Variants in TSGA10IP observed in about 807,000 individuals in gnomAD.
TSGA10IP encodes testis-specific protein 10-interacting protein.
TSGA10IP carries 64 observed loss-of-function variants against 63.2 expected under a neutral mutation model. The observed-to-expected ratio is 1.01, with a 90% CI of 0.83 to 1.25. TSGA10IP has a LOEUF of 1.25. Among genes scored for constraint, TSGA10IP ranks in the 50% most tolerant of loss-of-function variants. TSGA10IP has a pLI of 0.00. For synonymous variants in TSGA10IP, 316 were observed against 298.3 expected, an observed-to-expected ratio of 1.06 and a Z score of -0.61; for missense variants, 681 against 710.1, an observed-to-expected ratio of 0.96 and a Z score of 0.47.
Position 65,947,649 on chromosome 11 carries a change from G to A in TSGA10IP, c.824G>A (p.Gly275Glu), listed in dbSNP as rs769762724. Residue 275 changes from glycine (G) to glutamate (E), a missense_variant, in exon 3 of 8, where the codon GGG (glycine) becomes GAG (glutamate). Physicochemically the swap from Gly to Glu is moderately conservative, Grantham distance 98. Transcript: ENST00000532620. ...AGGAGGGCTGGTTGTCAGAGAAAGG[G>A]GCAGATTTCTGGAGAGGAAGCCTCC... The A allele has an allele frequency of 5.6e-6, 9 of 1,612,476 alleles. No individual in the cohort carries two copies. The South Asian group carries it at 9.9e-5, about 18-fold the overall frequency.
chr11:65,953,459 C>G, intron 4 of TSGA10IP, 108 bp from the exon 5 acceptor site: 2 of 1,421,974 alleles, frequency 1.4e-6, no homozygotes, highest in Non-Finnish European at 9.2e-7. Context: ...GCTCTGGACA[C>G]TGCAGCCCCT....
At chr11:65,947,130 G>T (rs745503126) in exon 3 of TSGA10IP, 3 of 1,610,988 alleles carry the variant, frequency 1.9e-6, no homozygotes, top group Non-Finnish European at 8.5e-7. Context: ...CTTCTTCCTC[G>T]GAAACCCTCC....
In TSGA10IP at chr11:65,953,747, C is replaced by T; in HGVS notation, c.1322+10C>T. 1.3e-6 allele frequency: 2 copies of T among 1,504,030 alleles called. No homozygotes were observed. Among genetic ancestry groups the T allele is most frequent in the East Asian group, 2.5e-5 (1 of 40,426 alleles). The allele number at this position is 1,504,030 out of a possible 1,614,324, so 93.2% of individuals were successfully genotyped here. ...AGCTGGAGGAGCTGAGGTAGGGAGCCTGGGCTTCGGGAGGCCTGGTTGGGA... is the reference window on the plus strand; with the variant it reads ...AGCTGGAGGAGCTGAGGTAGGGAGCTTGGGCTTCGGGAGGCCTGGTTGGGA... On this transcript the variant is annotated intron_variant, in intron 5 of 7. Coordinates refer to ENST00000532620, the Ensembl canonical transcript of TSGA10IP.
chr11:65,951,954 A>G (rs1386478536), intron 4 of TSGA10IP, among the ~76,000 whole-genome samples: 1 of 150,930 alleles, frequency 6.6e-6, no homozygotes, highest in East Asian at 1.9e-4. Context: ...GGTTCAAGTG[A>G]TTCTCTTGCC....
chr11:65,946,799 A>T, intron 1 of TSGA10IP, 81 bp from the exon 2 acceptor site: 1 of 1,501,820 alleles, frequency 6.7e-7, no homozygotes, highest in Non-Finnish European at 9.0e-7. Context: ...CCAGGTGCAC[A>T]GAGGGAGCAC....
At chr11:65,957,450 A>G (rs986659175) in intron 5 of TSGA10IP, among the ~76,000 whole-genome samples, 3 of 152,208 alleles carry the variant, frequency 2.0e-5, no homozygotes, top group African/African-American at 7.2e-5. Context: ...ATCCAGCAGG[A>G]AAAGTGCACA....
chr11:65,951,982 T>C (rs561505074), intron 4 of TSGA10IP, among the ~76,000 whole-genome samples: 58 of 152,162 alleles, frequency 3.8e-4, no homozygotes, highest in African/African-American at 1.3e-3. Flanking sequence ...CCTGAGTAGC[T>C]GGGATTACAG....
At chr11:65,947,397 G>C in exon 3 of TSGA10IP, 1 of 1,613,210 alleles carries the variant, frequency 6.2e-7, no homozygotes, top group Non-Finnish European at 8.5e-7. Context: ...GGGGAGCTAG[G>C]ATCAGAGCCC....
chr11:65,953,030 CTTTTT>C (rs543769953), intron 4 of TSGA10IP, among the ~76,000 whole-genome samples: 1 of 133,642 alleles, frequency 7.5e-6, no homozygotes, highest in African/African-American at 2.8e-5. Context: ...TTCTTTCTTT[CTTTTT>C]TTTTTTTTTT....
intron 5 of TSGA10IP, among the ~76,000 whole-genome samples, chr11:65,955,361 T>G (rs1302683442): frequency 1.3e-5 from 2 of 152,006 alleles, no homozygotes; most frequent in Non-Finnish European, 2.9e-5. Context: ...ATCCCAACAC[T>G]TTGGGAAGCC....
At chr11:65,950,388 C>CTTTATTTA (rs60941654) in intron 4 of TSGA10IP, among the ~76,000 whole-genome samples, 6 of 151,798 alleles carry the variant, frequency 4.0e-5, no homozygotes, top group Non-Finnish European at 8.8e-5. Context: ...ATGAGTTTGA[C>CTTTATTTA]TTTATTTATT....
chr11:65,955,514 G>A (rs1352956276), intron 5 of TSGA10IP, among the ~76,000 whole-genome samples: 1 of 152,020 alleles, frequency 6.6e-6, no homozygotes. Context: ...TTGGGAGGCT[G>A]AGGCGGGAGA....
chr11:65,946,285 T>G (rs1346883572), intron 1 of TSGA10IP, among the ~76,000 whole-genome samples: 3 of 151,832 alleles, frequency 2.0e-5, no homozygotes, highest in African/African-American at 7.3e-5. Flanking sequence ...ATGATGGAGG[T>G]GATAGTGAGT....
At chr11:65,953,568 A>T (rs1854974813) in exon 5 of TSGA10IP, 1 of 1,579,590 alleles carries the variant, frequency 6.3e-7, no homozygotes, top group Admixed American at 1.8e-5. Flanking sequence ...TCACCCAAGG[A>T]GCCTGCTGCA....
At chr11:65,949,503 G>A (rs527831198) in intron 4 of TSGA10IP, among the ~76,000 whole-genome samples, 376 of 150,640 alleles carry the variant, frequency 2.5e-3, no homozygotes, top group Non-Finnish European at 4.3e-3. Flanking sequence ...TGCAACCTCC[G>A]ACTCCCAGGT....
chr11:65,954,636 G>A (rs895220867), intron 5 of TSGA10IP, among the ~76,000 whole-genome samples: 6 of 152,012 alleles, frequency 3.9e-5, no homozygotes, highest in African/African-American at 1.4e-4. Context: ...TGACCAACAT[G>A]GTGAAACCTC....
exon 5 of TSGA10IP, chr11:65,953,714 C>G (rs749355542): frequency 2.5e-5 from 39 of 1,555,448 alleles, no homozygotes; most frequent in Admixed American, 3.8e-5. Context: ...CTGGGGCGGC[C>G]CAGCGCAAGC....
intron 7 of TSGA10IP, 51 bp downstream of exon 7, chr11:65,959,365 AG>A: frequency 6.3e-7 from 1 of 1,593,868 alleles, no homozygotes; most frequent in Non-Finnish European, 8.5e-7. Context: ...TGCTGCGGGA[AG>A]GGGCGCCCAC....
At chr11:65,947,059 G>A in intron 2 of TSGA10IP, 43 bp downstream of exon 2, 2 of 1,610,644 alleles carry the variant, frequency 1.2e-6, no homozygotes, top group Non-Finnish European at 1.7e-6. Flanking sequence ...TGGGGGTCAG[G>A]GCCCTCTGGG....
Sources: allele counts gnomAD v4.1 joint callset (sites outside exome capture counted in the v4.1 genomes callset), GRCh38; gene constraint gnomAD v4.1.1; transcripts MANE v1.5; gene names NCBI Gene and HGNC (gene_info 2026-07-23, HGNC 2026-07-21).